Variants in C1orf146 observed in about 807,000 individuals in gnomAD.
C1orf146 encodes the protein protein SPO16 homolog.
C1orf146 carries 22 observed loss-of-function variants against 23.0 expected under a neutral mutation model. The observed-to-expected ratio is 0.96, with a 90% CI of 0.68 to 1.36. The LOEUF is 1.36. Among genes scored for constraint, C1orf146 ranks in the 40% most tolerant of loss-of-function variants. The pLI is 0.00. For missense variants in C1orf146, 199 were observed against 206.8 expected (o/e 0.96, Z 0.23); for synonymous variants, 59 against 65.3 (o/e 0.90, Z 0.47).
chr1:92,234,316 A>G (rs1652216306), intron 2 of C1orf146, among the ~76,000 whole-genome samples: 1 of 152,208 alleles, frequency 6.6e-6, no homozygotes, highest in South Asian at 2.1e-4. Context: ...AGTTTTTAGC[A>G]TGAAGGGTTG....
intron 1 of C1orf146, among the ~76,000 whole-genome samples, chr1:92,223,057 G>GTCCA (rs1302888697): frequency 6.6e-6 from 1 of 151,974 alleles, no homozygotes; most frequent in African/African-American, 2.4e-5. Flanking sequence ...ATATTACAAT[G>GTCCA]TCCATTCACC....
chr1:92,220,175 T>G (rs1317863767), intron 1 of C1orf146, among the ~76,000 whole-genome samples: 1 of 152,230 alleles, frequency 6.6e-6, no homozygotes, highest in Non-Finnish European at 1.5e-5. Flanking sequence ...CGACCATTTC[T>G]CCAAGGAGCC....
At chr1:92,228,775 A>G (rs957615355) in intron 1 of C1orf146, among the ~76,000 whole-genome samples, 1 of 152,224 alleles carries the variant, frequency 6.6e-6, no homozygotes, top group Non-Finnish European at 1.5e-5. Context: ...AATCAAAGAT[A>G]TGTACAGGGT....
chr1:92,241,861 A>C (rs973741665), intron 2 of C1orf146, among the ~76,000 whole-genome samples: 6 of 152,180 alleles, frequency 3.9e-5, no homozygotes, highest in African/African-American at 1.4e-4. Flanking sequence ...AGGAGTCTAA[A>C]GTCAGCGTGG....
rs374405909 is a variant in C1orf146, at chr1:92,231,288, T to C, written c.-39-94T>C. ...CAAATTTTGATGTTCAAATATTCTT[T>C]AAAATGTCTCCAATACCCTAGTTTT... On this transcript the variant is annotated intron_variant, in intron 1 of 5. Transcript: ENST00000370375. The C allele has an allele frequency of 5.2e-4, 308 of 588,042 alleles. 11 individuals carry two copies. The South Asian group carries it at 8.0e-3, about 15-fold the overall frequency. 36.4% of individuals were successfully genotyped at this position (588,042 alleles called of 1,614,324 possible).
In C1orf146 at chr1:92,242,394, G is replaced by A. The variant is rs1652453312; in HGVS notation, c.160+89G>A. On this transcript the variant is annotated intron_variant, in intron 3 of 5. Transcript: ENST00000370375. ...CTTCATAGTTCAGTAACCATGTAAT[G>A]TATTATCTTTTGGGAAGGGTAAATG... 7.7e-6 allele frequency: 5 copies of A among 653,482 alleles called. No homozygotes were observed. In the Admixed American group the frequency reaches 9.5e-5, roughly 12 times the overall value. 40.5% of individuals were successfully genotyped at this position (653,482 alleles called of 1,614,324 possible).
chr1:92,226,824 A>C (rs1651980632), intron 1 of C1orf146, among the ~76,000 whole-genome samples: 1 of 151,898 alleles, frequency 6.6e-6, no homozygotes, highest in South Asian at 2.1e-4. Context: ...CCCTCAAGTT[A>C]TATGTTCTTT....
chr1:92,225,812 T>G (rs1348875440), intron 1 of C1orf146, among the ~76,000 whole-genome samples: 2 of 152,122 alleles, frequency 1.3e-5, no homozygotes, highest in East Asian at 1.9e-4. Context: ...GTCTATTTTG[T>G]TTTTTTATCA....
At chr1:92,232,226 A>G (rs903883922) in intron 2 of C1orf146, among the ~76,000 whole-genome samples, 2 of 151,938 alleles carry the variant, frequency 1.3e-5, no homozygotes, top group Non-Finnish European at 2.9e-5. Flanking sequence ...GTCATCTAGC[A>G]TTAGGTATAT....
intron 4 of C1orf146, 29 bp from the exon 5 acceptor site, chr1:92,244,750 T>C (rs374464955): frequency 1.5e-6 from 2 of 1,359,348 alleles, no homozygotes; most frequent in African/African-American, 1.4e-5. Context: ...GCAAGTTATA[T>C]GATCTGTATA....
At chr1:92,238,138 A>G (rs1652342313) in intron 2 of C1orf146, among the ~76,000 whole-genome samples, 1 of 152,172 alleles carries the variant, frequency 6.6e-6, no homozygotes, top group Non-Finnish European at 1.5e-5. Flanking sequence ...CATGTTGGCC[A>G]GGCTGGTCTC....
chr1:92,220,140 A>G (rs1178226268), intron 1 of C1orf146, among the ~76,000 whole-genome samples: 1 of 151,900 alleles, frequency 6.6e-6, no homozygotes, highest in African/African-American at 2.4e-5. Flanking sequence ...CTCATCTTGT[A>G]TGTTTCCTGT....
intron 2 of C1orf146, chr1:92,240,794 G>C (rs1652415841): frequency 2.9e-6 from 1 of 347,144 alleles, no homozygotes; most frequent in African/African-American, 2.2e-5. Context: ...AAAGTGCTAG[G>C]ATTACAGGTG....
At chr1:92,220,077 T>G (rs1651782698) in intron 1 of C1orf146, among the ~76,000 whole-genome samples, 1 of 152,154 alleles carries the variant, frequency 6.6e-6, no homozygotes, top group Non-Finnish European at 1.5e-5. Context: ...TGTGGGGTTT[T>G]TTTGTTTGTT....
intron 1 of C1orf146, among the ~76,000 whole-genome samples, chr1:92,219,366 T>G (rs548322692): frequency 1.8e-3 from 280 of 152,198 alleles, no homozygotes; most frequent in African/African-American, 6.4e-3. Flanking sequence ...ATGCAATAAA[T>G]GAGGAAATTA....
At chr1:92,229,279 C>G (rs1652050110) in intron 1 of C1orf146, 1 of 554,330 alleles carries the variant, frequency 1.8e-6, no homozygotes, top group Admixed American at 1.9e-5. Flanking sequence ...TTGAAGATGT[C>G]CACATCACAC....
At chr1:92,227,721 T>G (rs1010426149) in intron 1 of C1orf146, among the ~76,000 whole-genome samples, 2 of 152,186 alleles carry the variant, frequency 1.3e-5, no homozygotes, top group Non-Finnish European at 2.9e-5. Flanking sequence ...TTTCACCACT[T>G]AAAAGCTATT....
chr1:92,224,372 A>G (rs1651914452), intron 1 of C1orf146, among the ~76,000 whole-genome samples: 1 of 152,140 alleles, frequency 6.6e-6, no homozygotes, highest in South Asian at 2.1e-4. Context: ...AACTTAGATT[A>G]AGTCCAGTTT....
chr1:92,225,286 T>C (rs1254279530), intron 1 of C1orf146, among the ~76,000 whole-genome samples: 1 of 152,038 alleles, frequency 6.6e-6, no homozygotes. Flanking sequence ...TTGTACTTTT[T>C]TGTAGAGATG....
Sources: allele counts gnomAD v4.1 joint callset (sites outside exome capture counted in the v4.1 genomes callset), GRCh38; gene constraint gnomAD v4.1.1; transcripts MANE v1.5; gene names NCBI Gene and HGNC (gene_info 2026-07-23, HGNC 2026-07-21).